The following MORC1 variants were observed in gnomAD, a reference collection of about 807,000 sequenced individuals.
The protein encoded by MORC1 is MORC family CW-type zinc finger 1, also known as MORC family CW-type zinc finger protein 1.
A neutral mutation model predicts 134.9 loss-of-function variants in MORC1; 59 were observed. The observed-to-expected ratio is 0.44, with a 90% CI of 0.35 to 0.54. MORC1 has a LOEUF of 0.54. Ranked by LOEUF, MORC1 falls within the 20% of genes least tolerant of loss-of-function variation. MORC1 has a pLI of 0.00. For missense variants in MORC1, 947 were observed against 1,134.5 expected (o/e 0.83, Z 2.37); for synonymous variants, 395 against 391.7 (o/e 1.01, Z -0.10).
intron 17 of MORC1, among the ~76,000 whole-genome samples, chr3:109,008,875 T>C (rs561788960): frequency 3.9e-5 from 6 of 152,310 alleles, no homozygotes; most frequent in African/African-American, 1.4e-4. Flanking sequence ...CTAAGAAGTA[T>C]GCTAAAATCA....
intron 14 of MORC1, among the ~76,000 whole-genome samples, chr3:109,041,418 T>C (rs1027566719): frequency 6.6e-6 from 1 of 150,964 alleles, no homozygotes; most frequent in Non-Finnish European, 1.5e-5. Flanking sequence ...CAAAAAAATA[T>C]TGAATAAAAG....
chr3:109,011,572 A>G (rs1948686286), intron 17 of MORC1, among the ~76,000 whole-genome samples: 1 of 151,384 alleles, frequency 6.6e-6, no homozygotes, highest in African/African-American at 2.4e-5. Context: ...CCCAGGCTGA[A>G]GTGCAATGGC....
At chr3:109,046,794 GAAAT>G (rs1295178708) in intron 14 of MORC1, among the ~76,000 whole-genome samples, 3 of 152,258 alleles carry the variant, frequency 2.0e-5, no homozygotes, top group African/African-American at 7.2e-5. Flanking sequence ...TTACTACAGT[GAAAT>G]AAATTAATAT....
intron 14 of MORC1, among the ~76,000 whole-genome samples, chr3:109,042,451 G>A (rs1037558497): frequency 7.2e-5 from 11 of 152,118 alleles, no homozygotes; most frequent in East Asian, 1.9e-4. Context: ...GCAAGGATGC[G>A]GATAGAAACA....
chr3:109,062,774 G>C (rs999787880), intron 10 of MORC1, among the ~76,000 whole-genome samples: 1 of 152,058 alleles, frequency 6.6e-6, no homozygotes, highest in Non-Finnish European at 1.5e-5. Context: ...TTTTAAAATA[G>C]AGACACAGTC....
At chr3:109,107,999 C>G (rs1471946516) in intron 3 of MORC1, among the ~76,000 whole-genome samples, 1 of 152,076 alleles carries the variant, frequency 6.6e-6, no homozygotes, top group Non-Finnish European at 1.5e-5. Flanking sequence ...GAGTTTGAGA[C>G]CAGCCTGGCC....
chr3:109,028,600 T>G (rs1949151717), intron 16 of MORC1, among the ~76,000 whole-genome samples: 1 of 152,214 alleles, frequency 6.6e-6, no homozygotes, highest in Admixed American at 6.5e-5. Context: ...AGCACATTCC[T>G]TGTTAAAATT....
Position 109,078,264 on chromosome 3 carries a change from C to T in MORC1, c.690-8507G>A, listed in dbSNP as rs931503415. ...GAGCTCTGTCCTTATCAGAGATTCA[C>T]TTTTAAAAAAATGTTTAAGACATAA... On this transcript the variant is annotated intron_variant, in intron 8 of 27. Transcript: ENST00000232603. Among the ~76,000 whole-genome samples, 15 of 152,126 alleles carry T rather than the reference C, an allele frequency of 9.9e-5. No homozygotes were observed. The East Asian group carries it at 2.7e-3, about 27-fold the overall frequency.
At chr3:108,998,360 C>T (rs930432767) in intron 21 of MORC1, among the ~76,000 whole-genome samples, 1 of 152,118 alleles carries the variant, frequency 6.6e-6, no homozygotes, top group African/African-American at 2.4e-5. Flanking sequence ...GCTGAATATA[C>T]CATATTTCTT....
At chr3:108,967,836 C>T (rs972275394) in intron 26 of MORC1, among the ~76,000 whole-genome samples, 8 of 151,454 alleles carry the variant, frequency 5.3e-5, no homozygotes, top group Non-Finnish European at 1.2e-4. Context: ...CAAAAACAAG[C>T]GACACGAAAA....
chr3:108,960,009 T>C (rs966460021), intron 27 of MORC1, among the ~76,000 whole-genome samples: 2 of 152,134 alleles, frequency 1.3e-5, no homozygotes, highest in African/African-American at 2.4e-5. Flanking sequence ...AGGATGAGAT[T>C]AGACTGAGGG....
intron 26 of MORC1, among the ~76,000 whole-genome samples, chr3:108,964,904 C>G (rs888729567): frequency 6.6e-6 from 1 of 152,196 alleles, no homozygotes; most frequent in Non-Finnish European, 1.5e-5. Context: ...CGCCACATTT[C>G]AAGATCCTGG....
intron 9 of MORC1, among the ~76,000 whole-genome samples, chr3:109,069,295 C>A (rs1317283135): frequency 1.3e-5 from 2 of 152,046 alleles, no homozygotes; most frequent in African/African-American, 4.8e-5. Flanking sequence ...TTTAATAGTT[C>A]AAATGTATTG....
intron 12 of MORC1, among the ~76,000 whole-genome samples, chr3:109,058,638 AAC>A (rs1950014607): frequency 6.6e-6 from 1 of 152,098 alleles, no homozygotes; most frequent in Non-Finnish European, 1.5e-5. Flanking sequence ...ATATTTATTA[AAC>A]ACATGTATAT....
chr3:109,026,039 G>A lies in MORC1; in HGVS notation c.1704+1712C>T, dbSNP rs185047425. ...TTCCCAGCCTGGGACAGACCTGAGG[G>A]CAAGTATGTGCTCAATGATCACCTC... On this transcript the variant is annotated intron_variant, in intron 17 of 27. Transcript: ENST00000232603. Among the ~76,000 whole-genome samples the A allele has an allele frequency of 4.1e-3, 629 of 152,238 alleles. 7 individuals are homozygous for A. Among genetic ancestry groups the A allele is most frequent in the South Asian group, 0.017 (83 of 4,796 alleles).
intron 1 of MORC1, among the ~76,000 whole-genome samples, chr3:109,114,932 G>A (rs935729425): frequency 1.3e-5 from 2 of 152,322 alleles, no homozygotes; most frequent in South Asian, 2.1e-4. Flanking sequence ...TCTTTCCACC[G>A]CTGAAAAGCC....
At chr3:108,979,818 G>A (rs1947663579) in intron 23 of MORC1, 151 bp from the exon 24 acceptor site, 1 of 762,340 alleles carries the variant, frequency 1.3e-6, no homozygotes, top group African/African-American at 1.8e-5. Context: ...GTAGTTACAT[G>A]AAACAAATTC....
rs563218423 is a variant in MORC1 at position 109,100,471 on chromosome 3, T to A, written c.260A>T (p.Lys87Ile). ...GAACTTCAAGGTTGACAGCCGTTTT[T>A]TGGATCGTCCAAAGTAAATGATGTC... ...ASDIIYFGRS[K>I]KRLSTLKFIG... The change falls in exon 5 of 28, where the codon AAA becomes ATA. Residue 87 changes from lysine (K) to isoleucine (I), a missense_variant. Transcript: ENST00000232603. 6.2e-7 allele frequency: 1 copy of A among 1,613,802 alleles called. No individual in the cohort carries two copies. The highest frequency in any genetic ancestry group is 2.2e-5 in the East Asian group (1 of 44,884).
chr3:108,995,250 A>C (rs1948168163), intron 21 of MORC1, among the ~76,000 whole-genome samples: 1 of 152,192 alleles, frequency 6.6e-6, no homozygotes, highest in Non-Finnish European at 1.5e-5. Context: ...CTATAGCAAC[A>C]TCTACTCAGA....
Sources: allele counts gnomAD v4.1 joint callset (sites outside exome capture counted in the v4.1 genomes callset), GRCh38; gene constraint gnomAD v4.1.1; transcripts MANE v1.5; gene names NCBI Gene and HGNC (gene_info 2026-07-23, HGNC 2026-07-21).